The following GBA2 variants were observed in gnomAD, a reference collection of about 807,000 sequenced individuals.
GBA2 encodes the protein glucosylceramidase beta 2.
GBA2 carries 79 observed loss-of-function variants against 112.9 expected under a neutral mutation model. The observed-to-expected ratio is 0.70, with a 90% CI of 0.58 to 0.84. GBA2 has a LOEUF of 0.84. Ranked by LOEUF, GBA2 falls within the 40% of genes least tolerant of loss-of-function variation. The pLI, the probability that GBA2 is intolerant of heterozygous loss-of-function variation, is 0.00. For missense variants in GBA2, 1,043 were observed against 1,190.0 expected, an observed-to-expected ratio of 0.88 and a Z score of 1.82; for synonymous variants, 403 against 434.3, an observed-to-expected ratio of 0.93 and a Z score of 0.90.
chr9:35,741,325 C>CTTTTT lies in GBA2; in HGVS notation c.787-266_787-262dup. 1 of 409,896 alleles carries CTTTTT rather than the reference C, an allele frequency of 2.4e-6. No individual in the cohort carries two copies. Among genetic ancestry groups the CTTTTT allele is most frequent in the South Asian group, 3.3e-5 (1 of 30,016 alleles). 25.4% of individuals were successfully genotyped at this position (409,896 alleles called of 1,614,324 possible). ...CTCCCTTTCACAGGCCATGCAGTTT[C>CTTTTT]TTTTTTTTTTTTTTTGGGGGGTGCG... On this transcript the variant is annotated intron_variant, in intron 4 of 16. Coordinates refer to ENST00000378103, the MANE Select transcript of GBA2 (RefSeq NM_020944.3). The surrounding 1 kb of genome is among the most constrained non-coding windows in gnomAD (Gnocchi z 4.6).
chr9:35,739,683 G>T lies in GBA2; in HGVS notation c.1527C>A (p.Asn509Lys). Residue 509 changes from asparagine (N) to lysine (K), a missense_variant, in exon 9 of 17, where the codon AAC (asparagine) becomes AAA (lysine). Transcript: ENST00000378103. ...EDSLPEELGR[N>K]MCHLRPTLRD... Reference sequence around the variant, plus strand: ...GTAGGGTGGGGCGGAGGTGACACATGTTTCTGCCCAGCTCCTCTGGTAGGG... The same window carrying T: ...GTAGGGTGGGGCGGAGGTGACACATTTTTCTGCCCAGCTCCTCTGGTAGGG... 1 of 1,614,078 alleles carries T rather than the reference G, an allele frequency of 6.2e-7. No homozygotes were observed. The highest frequency in any genetic ancestry group is 1.1e-5 in the South Asian group (1 of 91,086).
At chr9:35,747,062 G>A (rs182729526) in intron 1 of GBA2, among the ~76,000 whole-genome samples, 1 of 152,044 alleles carries the variant, frequency 6.6e-6, no homozygotes, top group South Asian at 2.1e-4. Flanking sequence ...CTCAACTCAA[G>A]AGTTATCACT....
Position 35,741,377 on chromosome 9 carries a change from C to G in GBA2, c.786+295G>C, listed in dbSNP as rs1442454490. The G allele has an allele frequency of 3.9e-6, 2 of 511,614 alleles. No homozygotes were observed. The highest frequency in any genetic ancestry group is 7.0e-6 in the Non-Finnish European group (2 of 286,316). 31.7% of individuals were successfully genotyped at this position (511,614 alleles called of 1,614,324 possible). Reference sequence around the variant, plus strand: ...TGGCGCAATCTCGGCTCACTGCAAGCTCCGCCTCCCGGGTTCACACCATTA... The same window carrying G: ...TGGCGCAATCTCGGCTCACTGCAAGGTCCGCCTCCCGGGTTCACACCATTA... On this transcript the variant is annotated intron_variant, in intron 4 of 16. Transcript: ENST00000378103. This position sits in a 1 kb window ranked among gnomAD's most constrained non-coding sequence, Gnocchi z 4.6.
chr9:35,739,018 A>G lies in GBA2; in HGVS notation c.1779T>C (p.His593=). 1 of 1,613,052 alleles carries G rather than the reference A, an allele frequency of 6.2e-7. No homozygotes were observed. Among genetic ancestry groups the G allele is most frequent in the South Asian group, 1.1e-5 (1 of 91,016 alleles). Residue 593 remains histidine (H), a synonymous_variant, in exon 11 of 17, where the codon CAT becomes CAC. Transcript: ENST00000378103. ...APVKRRNVIP[H]DIGDPDDEPW... ...GACTTTTACCTGGGTCCCCAATATC[A>G]TGGGGGATGACGTTCCTCCTTTTCA...
chr9:35,740,261 C>G lies in GBA2; in HGVS notation c.1231G>C (p.Ala411Pro). 6.2e-7 allele frequency: 1 copy of G among 1,614,130 alleles called. No homozygotes were observed. The highest frequency in any genetic ancestry group is 8.5e-7 in the Non-Finnish European group (1 of 1,180,032). Residue 411 changes from alanine (A) to proline (P), a missense_variant, in exon 7 of 17, where the codon GCT becomes CCT. Transcript: ENST00000378103. The surrounding 1 kb of genome is among the most constrained non-coding windows in gnomAD (Gnocchi z 4.7). Reference protein sequence around the residue: ...RGQCRLEFSLAWDMPRIMFGA... With the variant: ...RGQCRLEFSLPWDMPRIMFGA... Reference sequence around the variant, plus strand: ...AACATGATCCTGGGCATGTCCCAAGCCAGTGAAAACTCCAGGCGGCACTGG... The same window carrying G: ...AACATGATCCTGGGCATGTCCCAAGGCAGTGAAAACTCCAGGCGGCACTGG...
chr9:35,738,243 A>G lies in GBA2; in HGVS notation c.2186T>C (p.Leu729Pro). 3 of 1,614,190 alleles carry G rather than the reference A, an allele frequency of 1.9e-6. No homozygotes were observed. The highest frequency in any genetic ancestry group is 2.5e-6 in the Non-Finnish European group (3 of 1,180,034). The change falls in exon 14 of 17, where the codon CTG becomes CCG. Residue 729 changes from leucine (L) to proline (P), a missense_variant. Leu to Pro is a moderately conservative substitution (Grantham distance 98). Transcript: ENST00000378103. ...LSRGQEAYER[L>P]LWNGRYYNYD... ...CTCCCCGAACTCACCATTCCACAGC[A>G]GTCTCTCATAGGCTTCTTGGCCCCG...
At position 35,737,902 on chromosome 9, in the gene GBA2, G is replaced by A. The variant is rs746367894; in HGVS notation, c.2351C>T (p.Thr784Ile). 6.2e-7 allele frequency: 1 copy of A among 1,613,192 alleles called. No homozygotes were observed. The highest frequency in any genetic ancestry group is 1.1e-5 in the South Asian group (1 of 91,084). Residue 784 changes from threonine to isoleucine, a missense_variant, in exon 16 of 17, where the codon ACT (threonine) becomes ATT (isoleucine). Coordinates refer to ENST00000378103, the MANE Select transcript of GBA2 (RefSeq NM_020944.3). The surrounding 1 kb of genome is among the most constrained non-coding windows in gnomAD (Gnocchi z 4.1). ...PTQHVVRALQ[T>I]IFELNVQAFA... The stretch of plus-strand genomic sequence containing the variant: ...GGCCTGGACGTTCAGCTCAAAGATA[G>A]TTTGGAGAGCACGGACCACATGTTG...
intron 1 of GBA2, among the ~76,000 whole-genome samples, chr9:35,747,958 C>T (rs560175158): frequency 6.6e-6 from 1 of 152,180 alleles, no homozygotes; most frequent in Non-Finnish European, 1.5e-5. Context: ...GTTGAGACCC[C>T]CCCACCCCCA....
chr9:35,741,499 C>T lies in GBA2; in HGVS notation c.786+173G>A, dbSNP rs1254967065. 3.5e-5 allele frequency: 22 copies of T among 629,914 alleles called. No homozygotes were observed. The East Asian group carries it at 3.8e-4, about 11-fold the overall frequency. The allele number at this position is 629,914 out of a possible 1,614,324, so 39.0% of individuals were successfully genotyped here. On this transcript the variant is annotated intron_variant, in intron 4 of 16. Transcript: ENST00000378103. This position sits in a 1 kb window ranked among gnomAD's most constrained non-coding sequence, Gnocchi z 4.6. ...TATTTTTAGTAGATATGGGGTTTCA[C>T]GTGTTAGCCAGGATGGTCTCGATCT...
At position 35,741,747 on chromosome 9, in the gene GBA2, A is replaced by G. The variant is rs1467895466; in HGVS notation, c.711T>C (p.Thr237=). 1.9e-6 allele frequency: 3 copies of G among 1,613,946 alleles called. No individual in the cohort carries two copies. ...FYHALYPRAW[T]VYQLPGQNVT... is the part of the protein sequence containing the mutation. ...CATTCTGGCCAGGAAGCTGATAGAC[A>G]GTCCAGGCTCGGGGATAGAGGGCAT... The change falls in exon 4 of 17, where the codon ACT becomes ACC. Residue 237 remains threonine (T), a synonymous_variant. Coordinates refer to ENST00000378103, the MANE Select transcript of GBA2 (RefSeq NM_020944.3). The surrounding 1 kb of genome is among the most constrained non-coding windows in gnomAD (Gnocchi z 4.6).
Position 35,740,012 on chromosome 9 carries a change from C to T in GBA2, c.1395G>A (p.Pro465=), listed in dbSNP as rs149501146. 1.9e-4 allele frequency: 311 copies of T among 1,614,070 alleles called. No homozygotes were observed. The East Asian group carries it at 4.8e-3, about 25-fold the overall frequency. ...CCCACTGGCACCTGTCATCCAATAC[C>T]GGGCTCTGCCAAGCTGAGATCCTCT... ...WEERISAWQS[P]VLDDRSLPAW... Residue 465 remains proline (P), a synonymous_variant, in exon 8 of 17, where the codon CCG becomes CCA. Transcript: ENST00000378103. The surrounding 1 kb of genome is among the most constrained non-coding windows in gnomAD (Gnocchi z 4.7).
Position 35,748,465 on chromosome 9 carries a change from C to G in GBA2, c.240G>C (p.Gln80His). 1 of 1,614,156 alleles carries G rather than the reference C, an allele frequency of 6.2e-7. No homozygotes were observed. The highest frequency in any genetic ancestry group is 8.5e-7 in the Non-Finnish European group (1 of 1,179,970). ...VSYEGKAMGYQVPPFGWRICL... is the reference protein window; with the variant it reads ...VSYEGKAMGYHVPPFGWRICL... ...AGATGCGCCAGCCAAAGGGAGGCAC[C>G]TGGTAGCCCATAGCTTTACCCTCAT... Residue 80 changes from glutamine (Q) to histidine (H), a missense_variant, in exon 1 of 17, where the codon CAG becomes CAC. Physicochemically the swap from Gln to His is conservative, Grantham distance 24. Transcript: ENST00000378103.
chr9:35,738,248 C>G lies in GBA2; in HGVS notation c.2181G>C (p.Glu727Asp), dbSNP rs1413568646. 1 of 1,614,190 alleles carries G rather than the reference C, an allele frequency of 6.2e-7. No individual in the cohort carries two copies. Among genetic ancestry groups the G allele is most frequent in the Admixed American group, 1.7e-5 (1 of 60,030 alleles). The change falls in exon 14 of 17, where the codon GAG (glutamate) becomes GAC (aspartate). Residue 727 changes from glutamate (E) to aspartate (D), a missense_variant. Physicochemically the swap from Glu to Asp is conservative, Grantham distance 45. Transcript: ENST00000378103. ...CGAACTCACCATTCCACAGCAGTCT[C>G]TCATAGGCTTCTTGGCCCCGGCTGA... is the stretch of plus-strand genomic sequence containing the variant. Reference protein sequence around the residue: ...SILSRGQEAYERLLWNGRYYN... With the variant: ...SILSRGQEAYDRLLWNGRYYN...
rs749334159 is a variant in GBA2 at position 35,739,807 on chromosome 9, A to G, written c.1410-7T>C. Reference sequence around the variant, plus strand: ...GTACCAGGCAGGCAGTGATCTGGGAAGCGAGGAGGAGGAAATGGTTTAAGG... The same window carrying G: ...GTACCAGGCAGGCAGTGATCTGGGAGGCGAGGAGGAGGAAATGGTTTAAGG... On this transcript the variant is annotated splice_polypyrimidine_tract_variant and splice_region_variant and intron_variant, in intron 8 of 16. Transcript: ENST00000378103. The G allele has an allele frequency of 6.2e-7, 1 of 1,613,350 alleles. No individual in the cohort carries two copies. Among genetic ancestry groups the G allele is most frequent in the South Asian group, 1.1e-5 (1 of 91,066 alleles).
At chr9:35,738,501 C>T (rs1826394978) in intron 13 of GBA2, 25 bp downstream of exon 13, 34 of 1,594,612 alleles carry the variant, frequency 2.1e-5, no homozygotes, top group Non-Finnish European at 2.8e-5. Context: ...CACCTCAGGC[C>T]TCCTGGAAAC....
Position 35,738,042 on chromosome 9 carries a change from T to C in GBA2, c.2308A>G (p.Thr770Ala). 3 of 1,606,460 alleles carry C rather than the reference T, an allele frequency of 1.9e-6. No homozygotes were observed. Among genetic ancestry groups the C allele is most frequent in the Non-Finnish European group, 2.6e-6 (3 of 1,174,890 alleles). The stretch of plus-strand genomic sequence containing the variant: ...TGCTCCTCCTCCTCTCTCACCTCAG[T>C]GTCTCCTTCTCCTAGGCCACAGGCC... ...LKACGLGEGD[T>A]EVFPTQHVVR... is the part of the protein sequence containing the mutation. The change falls in exon 15 of 17, where the codon ACT becomes GCT. Residue 770 changes from threonine (T) to alanine (A), a missense_variant. Thr to Ala is a moderately conservative substitution (Grantham distance 58, BLOSUM62 0). Transcript: ENST00000378103.
chr9:35,744,858 G>T (rs183544006), intron 1 of GBA2, 152 bp from the exon 2 acceptor site: 147 of 620,784 alleles, frequency 2.4e-4, no homozygotes, highest in Middle Eastern at 4.3e-4. Context: ...ACAGTTCAAG[G>T]TCCCTTCATC....
At chr9:35,743,910 T>C (rs548775921) in intron 3 of GBA2, among the ~76,000 whole-genome samples, 74 of 152,242 alleles carry the variant, frequency 4.9e-4, no homozygotes, top group African/African-American at 1.7e-3. Flanking sequence ...TGTCTTTTTT[T>C]CCCATGAGTT....
At chr9:35,744,739 G>C (rs748432639) in intron 1 of GBA2, 33 bp from the exon 2 acceptor site, 19 of 1,167,148 alleles carry the variant, frequency 1.6e-5, no homozygotes, top group Middle Eastern at 2.1e-4. Context: ...AGTGGAAGGG[G>C]GCAGGTGGGC....
Sources: gnomAD v4.1 joint callset for allele counts (sites outside exome capture counted in the v4.1 genomes callset) on GRCh38, gnomAD v4.1.1 for gene constraint, Gnocchi (gnomAD v3.1) non-coding constraint, MANE v1.5 for transcripts, NCBI Gene and HGNC (gene_info 2026-07-23, HGNC 2026-07-21) for gene names.